B3GLCT: variants seen among roughly 807,000 people sequenced by gnomAD.
B3GLCT encodes beta-1,3-glucosyltransferase.
In B3GLCT, 65 loss-of-function variants were observed where a neutral mutation model predicts 63.4. The observed-to-expected ratio is 1.03, with a 90% CI of 0.84 to 1.26. The LOEUF is 1.26. Ranked by LOEUF, B3GLCT falls within the 50% of genes most tolerant of loss-of-function variation. The pLI, the probability that B3GLCT is intolerant of heterozygous loss-of-function variation, is 0.00. For synonymous variants in B3GLCT, 233 were observed against 219.2 expected (o/e 1.06, Z -0.55); for missense variants, 577 against 604.8 (o/e 0.95, Z 0.48).
chr13:31,261,067 T>G lies in B3GLCT; in HGVS notation c.581T>G (p.Ile194Ser), dbSNP rs775916141. 1 of 1,613,830 alleles carries G rather than the reference T, an allele frequency of 6.2e-7. No individual in the cohort carries two copies. The highest frequency in any genetic ancestry group is 1.3e-5 in the African/African-American group (1 of 74,906). The change falls in exon 7 of 15, where the codon ATT becomes AGT. Residue 194 changes from isoleucine to serine, a missense_variant. Ile to Ser is a moderately radical substitution (Grantham distance 142). Coordinates refer to ENST00000343307, the MANE Select transcript of B3GLCT (RefSeq NM_194318.4). ...PDFAAGWALS[I>S]PLVNKLTKRL... is the part of the protein sequence containing the mutation. The stretch of plus-strand genomic sequence containing the variant: ...TTTGCTGCAGGCTGGGCCTTAAGTA[T>G]TCCACTTGTAAACAAGTAAGAATTT...
At chr13:31,244,114 T>C (rs1237358911) in intron 4 of B3GLCT, among the ~76,000 whole-genome samples, 1 of 152,248 alleles carries the variant, frequency 6.6e-6, no homozygotes, top group African/African-American at 2.4e-5. Context: ...CTCTTGGTAA[T>C]GTTGATATAA....
At chr13:31,253,960 A>T (rs531027473) in intron 6 of B3GLCT, among the ~76,000 whole-genome samples, 11 of 151,320 alleles carry the variant, frequency 7.3e-5, no homozygotes, top group Non-Finnish European at 7.4e-5. Context: ...TCCTGGACAC[A>T]TGCAAGACTA....
chr13:31,211,147 C>T (rs1412913273), intron 1 of B3GLCT, among the ~76,000 whole-genome samples: 1 of 152,204 alleles, frequency 6.6e-6, no homozygotes, highest in Non-Finnish European at 1.5e-5. Context: ...GTAATCTCAG[C>T]ACTTTGGGAG....
chr13:31,214,359 G>A, intron 1 of B3GLCT, among the ~76,000 whole-genome samples: 1 of 152,164 alleles, frequency 6.6e-6, no homozygotes, highest in Non-Finnish European at 1.5e-5. Context: ...TTTTCAGAGT[G>A]TTACTGTCAT....
At position 31,314,087 on chromosome 13, in the gene B3GLCT, T is replaced by G. The variant is rs561814353; in HGVS notation, c.1065-3479T>G. 1.5e-3 allele frequency among the ~76,000 whole-genome samples: 223 copies of G among 152,340 alleles called. 2 individuals carry two copies. The highest frequency in any genetic ancestry group is 1.8e-3 in the Non-Finnish European group (120 of 68,018). On this transcript the variant is annotated intron_variant, in intron 12 of 14. Transcript: ENST00000343307. ...TAAGGTTTGAGAACCTCTGCCTAGATTTCAGAAGATGTATGGAAATGCCTG... is the reference window on the plus strand; with the variant it reads ...TAAGGTTTGAGAACCTCTGCCTAGAGTTCAGAAGATGTATGGAAATGCCTG...
chr13:31,220,187 C>T (rs187370355), intron 2 of B3GLCT, among the ~76,000 whole-genome samples: 1 of 152,266 alleles, frequency 6.6e-6, no homozygotes, highest in Admixed American at 6.5e-5. Context: ...CTTCTCTTCC[C>T]TTTAAAAGAT....
chr13:31,208,790 C>T (rs923474164), intron 1 of B3GLCT, among the ~76,000 whole-genome samples: 34 of 152,060 alleles, frequency 2.2e-4, no homozygotes, highest in African/African-American at 8.2e-4. Context: ...GCATTCCCTC[C>T]TTAAAACCTC....
At chr13:31,314,668 A>G (rs1874897042) in intron 12 of B3GLCT, among the ~76,000 whole-genome samples, 1 of 152,178 alleles carries the variant, frequency 6.6e-6, no homozygotes, top group Non-Finnish European at 1.5e-5. Flanking sequence ...GAGACACTGG[A>G]CTATGGACTT....
In B3GLCT at chr13:31,260,946, G is replaced by C. The variant is rs1340297403; in HGVS notation, c.460G>C (p.Glu154Gln). The C allele has an allele frequency of 6.2e-7, 1 of 1,613,072 alleles. No individual in the cohort carries two copies. The highest frequency in any genetic ancestry group is 8.5e-7 in the Non-Finnish European group (1 of 1,179,136). ...GACATGTTATATCTTTATTTAACAG[G>C]AATGGTTTTTGGGAAAAGCATTACA... ...ETLRRYDPSK[E>Q]WFLGKALHDE... Residue 154 changes from glutamate (E) to glutamine (Q), a missense_variant and splice_region_variant, in exon 7 of 15, where the codon GAA becomes CAA. Transcript: ENST00000343307.
intron 8 of B3GLCT, among the ~76,000 whole-genome samples, chr13:31,270,879 A>G (rs1872550150): frequency 6.6e-6 from 1 of 152,204 alleles, no homozygotes; most frequent in South Asian, 2.1e-4. Flanking sequence ...GCACACAGAC[A>G]CATTGAAGGG....
At chr13:31,316,574 T>C (rs867905364) in intron 12 of B3GLCT, among the ~76,000 whole-genome samples, 3 of 151,250 alleles carry the variant, frequency 2.0e-5, no homozygotes, top group African/African-American at 7.3e-5. Context: ...CTGTGGCCCC[T>C]TTGTTTTGGC....
chr13:31,320,873 C>T (rs1319318980), intron 13 of B3GLCT, among the ~76,000 whole-genome samples: 2 of 152,206 alleles, frequency 1.3e-5, no homozygotes, highest in Non-Finnish European at 2.9e-5. Context: ...TCTAGTTCCT[C>T]CTTGTTCTTT....
intron 12 of B3GLCT, among the ~76,000 whole-genome samples, chr13:31,287,492 GCAAGAAAATA>G (rs979533584): frequency 4.8e-4 from 73 of 152,246 alleles, no homozygotes; most frequent in African/African-American, 1.6e-3. Context: ...TATCTGAAAA[GCAAGAAAATA>G]CAAGAAAATG....
chr13:31,248,305 ATATAT>A (rs1194491137), intron 6 of B3GLCT, among the ~76,000 whole-genome samples: 1 of 152,204 alleles, frequency 6.6e-6, no homozygotes, highest in Non-Finnish European at 1.5e-5. Context: ...GACAGTGACC[ATATAT>A]TATTTTAGAT....
At chr13:31,212,268 T>A (rs965070697) in intron 1 of B3GLCT, among the ~76,000 whole-genome samples, 1 of 68,062 alleles carries the variant, frequency 1.5e-5, no homozygotes, top group Non-Finnish European at 2.5e-5. Flanking sequence ...CATAACTGGC[T>A]TTTTTTTTTT....
At chr13:31,215,149 G>A (rs372800064) in intron 2 of B3GLCT, 49 bp downstream of exon 2, 39 of 1,511,986 alleles carry the variant, frequency 2.6e-5, no homozygotes, top group Non-Finnish European at 3.1e-5. Flanking sequence ...AGATTCATTT[G>A]TATTTTCTCT....
chr13:31,229,920 A>C (rs1017651793), intron 4 of B3GLCT, among the ~76,000 whole-genome samples: 1 of 151,702 alleles, frequency 6.6e-6, no homozygotes, highest in East Asian at 1.9e-4. Flanking sequence ...TGATAAAAGC[A>C]AGTAGAAGAA....
At chr13:31,313,430 T>C (rs1482611575) in intron 12 of B3GLCT, among the ~76,000 whole-genome samples, 1 of 152,222 alleles carries the variant, frequency 6.6e-6, no homozygotes, top group African/African-American at 2.4e-5. Flanking sequence ...ATGAGAAACT[T>C]GTTGGGAACT....
chr13:31,239,684 CTTTT>C (rs59239925), intron 4 of B3GLCT, among the ~76,000 whole-genome samples: 1 of 140,790 alleles, frequency 7.1e-6, no homozygotes, highest in Admixed American at 7.1e-5. Flanking sequence ...TCACCTGAGT[CTTTT>C]TTTTTTTTTT....
Sources: allele counts gnomAD v4.1 joint callset (sites outside exome capture counted in the v4.1 genomes callset), GRCh38; gene constraint gnomAD v4.1.1; transcripts MANE v1.5; gene names NCBI Gene and HGNC (gene_info 2026-07-23, HGNC 2026-07-21).